Variants in CHCHD3 observed in about 807,000 individuals in gnomAD.
CHCHD3 encodes the protein coiled-coil-helix-coiled-coil-helix domain containing 3.
In CHCHD3, 20 loss-of-function variants were observed where a neutral mutation model predicts 38.2. That is an observed-to-expected ratio of 0.52 (90% CI 0.37 to 0.76). CHCHD3 has a LOEUF of 0.76. Among genes scored for constraint, CHCHD3 ranks in the 30% least tolerant of loss-of-function variants. The pLI is 0.00. For synonymous variants in CHCHD3, 82 were observed against 100.0 expected, an observed-to-expected ratio of 0.82 and a Z score of 1.07; for missense variants, 245 against 279.2, an observed-to-expected ratio of 0.88 and a Z score of 0.87.
chr7:132,931,899 T>A (rs1003290450), intron 4 of CHCHD3, among the ~76,000 whole-genome samples: 2 of 151,966 alleles, frequency 1.3e-5, no homozygotes, highest in African/African-American at 4.8e-5. Flanking sequence ...CAGCAGGCAG[T>A]GGGAAATATA....
At chr7:132,990,170 T>C (rs1352981903) in intron 3 of CHCHD3, among the ~76,000 whole-genome samples, 2 of 152,062 alleles carry the variant, frequency 1.3e-5, no homozygotes, top group Non-Finnish European at 2.9e-5. Context: ...CGAAACTCCA[T>C]CTCAAAAAAT....
intron 2 of CHCHD3, among the ~76,000 whole-genome samples, chr7:133,064,094 C>T (rs1814600302): frequency 6.6e-6 from 1 of 152,152 alleles, no homozygotes; most frequent in African/African-American, 2.4e-5. Flanking sequence ...AAAATATTAA[C>T]AGAGGAGGCG....
At chr7:133,080,582 T>TA (rs1198888041) in intron 1 of CHCHD3, among the ~76,000 whole-genome samples, 6 of 152,244 alleles carry the variant, frequency 3.9e-5, no homozygotes, top group Non-Finnish European at 7.3e-5. Context: ...GCATAAAACT[T>TA]AAAGTTTACA....
chr7:132,812,929 T>C (rs1202084673), intron 6 of CHCHD3, among the ~76,000 whole-genome samples: 1 of 152,214 alleles, frequency 6.6e-6, no homozygotes, highest in Non-Finnish European at 1.5e-5. Context: ...CCCTAATGCC[T>C]ACTATTTTAG....
chr7:133,029,583 C>G (rs1813445345), intron 2 of CHCHD3, among the ~76,000 whole-genome samples: 1 of 152,150 alleles, frequency 6.6e-6, no homozygotes, highest in Non-Finnish European at 1.5e-5. Context: ...GTCTTCCTAC[C>G]AGAGGAAAAG....
Position 132,894,304 on chromosome 7 carries a change from T to C in CHCHD3, c.370-8559A>G, listed in dbSNP as rs553997187. Among the ~76,000 whole-genome samples, 411 of 152,328 alleles carry C rather than the reference T, an allele frequency of 2.7e-3. 4 individuals carry two copies. Among genetic ancestry groups the C allele is most frequent in the African/African-American group, 9.4e-3 (389 of 41,568 alleles). On this transcript the variant is annotated intron_variant, in intron 4 of 7. Transcript: ENST00000262570. Reference sequence around the variant, plus strand: ...GTTTTATTTCATAATTTGGATGTTATTAGCACTATGACACAGTAAGAAACT... The same window carrying C: ...GTTTTATTTCATAATTTGGATGTTACTAGCACTATGACACAGTAAGAAACT...
intron 4 of CHCHD3, among the ~76,000 whole-genome samples, chr7:132,974,945 C>G (rs972165251): frequency 4.6e-5 from 7 of 152,124 alleles, no homozygotes; most frequent in Non-Finnish European, 8.8e-5. Flanking sequence ...GTACACATGT[C>G]TGCATGTTGG....
At chr7:132,960,532 A>G (rs1811290969) in intron 4 of CHCHD3, among the ~76,000 whole-genome samples, 1 of 152,234 alleles carries the variant, frequency 6.6e-6, no homozygotes, top group African/African-American at 2.4e-5. Flanking sequence ...ACATTCTTCT[A>G]TCACCTGTGC....
chr7:132,792,734 A>G (rs540796371), intron 7 of CHCHD3, among the ~76,000 whole-genome samples: 2 of 152,232 alleles, frequency 1.3e-5, no homozygotes, highest in African/African-American at 2.4e-5. Flanking sequence ...ACCTGGTTCA[A>G]ACCTTCAGTT....
chr7:132,855,163 T>G (rs1381239407), intron 5 of CHCHD3, among the ~76,000 whole-genome samples: 2 of 152,148 alleles, frequency 1.3e-5, no homozygotes, highest in Non-Finnish European at 2.9e-5. Flanking sequence ...AGGCCTTAGG[T>G]CTTGAGGTTT....
chr7:132,941,144 T>C (rs1267390603), intron 4 of CHCHD3, among the ~76,000 whole-genome samples: 1 of 152,226 alleles, frequency 6.6e-6, no homozygotes, highest in Non-Finnish European at 1.5e-5. Flanking sequence ...GCAACAGTTC[T>C]TTGCATTTCT....
At chr7:132,938,219 C>T (rs1164278900) in intron 4 of CHCHD3, among the ~76,000 whole-genome samples, 1 of 152,102 alleles carries the variant, frequency 6.6e-6, no homozygotes, top group Non-Finnish European at 1.5e-5. Context: ...ATATAATGCT[C>T]AAAATCATGT....
intron 2 of CHCHD3, among the ~76,000 whole-genome samples, chr7:133,027,363 A>AGAGAGAGAGAGAGAGAGAGAGAGAGAGAG (rs1554402334): frequency 3.7e-5 from 5 of 133,788 alleles, no homozygotes; most frequent in Non-Finnish European, 6.3e-5. Context: ...AATAAGTTGT[A>AGAGAGAGAGAGAGAGAGAGAGAGAGAGAG]AGAGAGAGAG....
At chr7:133,010,215 C>T (rs1262860162) in intron 3 of CHCHD3, among the ~76,000 whole-genome samples, 2 of 152,182 alleles carry the variant, frequency 1.3e-5, no homozygotes, top group Non-Finnish European at 2.9e-5. Flanking sequence ...AGCAGAGCTA[C>T]CACATCCAAT....
intron 4 of CHCHD3, among the ~76,000 whole-genome samples, chr7:132,970,323 C>T (rs1430866729): frequency 1.3e-5 from 2 of 152,180 alleles, no homozygotes; most frequent in Non-Finnish European, 2.9e-5. Flanking sequence ...TCCCCATTTC[C>T]TCTCCTCCTA....
rs1417200825 is a variant in CHCHD3, at chr7:132,821,907, C to T, written c.524+16492G>A. On this transcript the variant is annotated intron_variant, in intron 6 of 7. Transcript: ENST00000262570. ...CCTCCCCAGTAGCTGGGACTACAGG[C>T]GCCCGCCACCGCGCCCGGCTAATTT... Among the ~76,000 whole-genome samples the T allele has an allele frequency of 2.6e-5, 4 of 151,826 alleles. No homozygotes were observed. The East Asian group carries it at 5.8e-4, about 22-fold the overall frequency.
chr7:132,901,204 T>G (rs901810414), intron 4 of CHCHD3, among the ~76,000 whole-genome samples: 4 of 152,190 alleles, frequency 2.6e-5, no homozygotes, highest in Non-Finnish European at 4.4e-5. Context: ...GCCTCCGGCT[T>G]ATCTAATCAA....
chr7:132,955,173 G>GGGGGTGTGTGTGTGT (rs138213006), intron 4 of CHCHD3, among the ~76,000 whole-genome samples: 3 of 126,226 alleles, frequency 2.4e-5, no homozygotes, highest in African/African-American at 9.1e-5. Flanking sequence ...TCCCTCAGAG[G>GGGGGTGTGTGTGTGT]GTGTGTGTGT....
chr7:133,003,401 A>G lies in CHCHD3; in HGVS notation c.251+21145T>C, dbSNP rs80133779. Among the ~76,000 whole-genome samples, 705 of 152,118 alleles carry G rather than the reference A, an allele frequency of 4.6e-3. 3 individuals are homozygous for G. The highest frequency in any genetic ancestry group is 7.5e-3 in the Non-Finnish European group (512 of 67,866). ...TGGGTTTGGGGTCAATCCCAGGAGAAGACAAGAAGATAGACAACTAGTTTT... is the reference window on the plus strand; with the variant it reads ...TGGGTTTGGGGTCAATCCCAGGAGAGGACAAGAAGATAGACAACTAGTTTT... On this transcript the variant is annotated intron_variant, in intron 3 of 7. Coordinates refer to ENST00000262570, the MANE Select transcript of CHCHD3 (RefSeq NM_017812.4).
Sources: gnomAD v4.1 joint callset for allele counts (sites outside exome capture counted in the v4.1 genomes callset) on GRCh38, gnomAD v4.1.1 for gene constraint, MANE v1.5 for transcripts, NCBI Gene and HGNC (gene_info 2026-07-23, HGNC 2026-07-21) for gene names.